The following CELF2 variants were observed in gnomAD, a reference collection of about 807,000 sequenced individuals.
CELF2 encodes CUGBP Elav-like family member 2, also known as CUG triplet repeat RNA-binding protein 2.
Under a neutral mutation model 62.6 loss-of-function variants are expected in CELF2, and 8 were observed. The observed-to-expected ratio is 0.13, with a 90% CI of 0.07 to 0.23. CELF2 has a LOEUF of 0.23. Ranked by LOEUF, CELF2 falls within the 10% of genes least tolerant of loss-of-function variation. The pLI, the probability that CELF2 is intolerant of heterozygous loss-of-function variation, is 1.00. For synonymous variants in CELF2, 258 were observed against 250.0 expected, an observed-to-expected ratio of 1.03 and a Z score of -0.30; for missense variants, 333 against 671.0, an observed-to-expected ratio of 0.50 and a Z score of 5.56.
chr10:10,866,289 AG>A (rs1220602661), intron 1 of CELF2, among the ~76,000 whole-genome samples: 1 of 152,084 alleles, frequency 6.6e-6, no homozygotes, highest in Non-Finnish European at 1.5e-5. Context: ...GTGTAGGGAA[AG>A]GGGAGCTGTG....
intron 2 of CELF2, among the ~76,000 whole-genome samples, chr10:10,955,437 G>A (rs944126156): frequency 6.6e-6 from 1 of 152,212 alleles, no homozygotes; most frequent in Non-Finnish European, 1.5e-5. Flanking sequence ...ATGAAATAGA[G>A]CTTTTGCATA....
chr10:11,219,742 G>A (rs1226344755), intron 3 of CELF2, among the ~76,000 whole-genome samples: 4 of 152,204 alleles, frequency 2.6e-5, no homozygotes. Flanking sequence ...GTCTTTGGTG[G>A]ACAGAAAGAA....
At chr10:11,166,009 G>C (rs1565035679) in intron 2 of CELF2, among the ~76,000 whole-genome samples, 1 of 152,220 alleles carries the variant, frequency 6.6e-6, no homozygotes, top group Admixed American at 6.5e-5. Flanking sequence ...GCTTCTCCGA[G>C]GAATCGCGTT....
the CELF2 span, among the ~76,000 whole-genome samples, chr10:10,673,836 G>C: frequency 6.6e-6 from 1 of 152,070 alleles, no homozygotes; most frequent in African/African-American, 2.4e-5. Flanking sequence ...TGATTTTCCA[G>C]CTCTCTTTTA....
intron 1 of CELF2, among the ~76,000 whole-genome samples, chr10:11,094,885 A>C (rs2049359394): frequency 6.6e-6 from 1 of 152,210 alleles, no homozygotes; most frequent in Admixed American, 6.5e-5. Flanking sequence ...GATACACTGC[A>C]CTTGTTTTAA....
the CELF2 span, among the ~76,000 whole-genome samples, chr10:10,777,060 C>T: frequency 3.3e-5 from 5 of 152,204 alleles, no homozygotes; most frequent in East Asian, 1.9e-4. Context: ...ACCCGCCTCC[C>T]GATTGTGGCA....
At chr10:10,628,400 C>T in the CELF2 span, among the ~76,000 whole-genome samples, 329 of 152,184 alleles carry the variant, frequency 2.2e-3, 12 homozygotes, top group East Asian at 0.054. Flanking sequence ...CATATGCCAA[C>T]CATGCTACTA....
the CELF2 span, among the ~76,000 whole-genome samples, chr10:10,463,110 A>G: frequency 6.6e-6 from 1 of 152,180 alleles, no homozygotes; most frequent in Non-Finnish European, 1.5e-5. Flanking sequence ...AGTGCTCAGT[A>G]AAGTCATTTT....
chr10:10,691,546 T>A, the CELF2 span, among the ~76,000 whole-genome samples: 1 of 151,992 alleles, frequency 6.6e-6, no homozygotes, highest in African/African-American at 2.4e-5. Context: ...CTGGGTCAAA[T>A]GGTATTTTAC....
intron 1 of CELF2, among the ~76,000 whole-genome samples, chr10:11,055,876 T>G (rs972389465): frequency 2.0e-5 from 3 of 152,218 alleles, no homozygotes; most frequent in African/African-American, 4.8e-5. Context: ...CTGTATTATT[T>G]AAATCCCATC....
chr10:11,006,363 A>G (rs2055260692), intron 1 of CELF2, among the ~76,000 whole-genome samples: 1 of 152,154 alleles, frequency 6.6e-6, no homozygotes, highest in Non-Finnish European at 1.5e-5. Flanking sequence ...AAAATTTAGT[A>G]TCTACCGTTC....
In CELF2 at chr10:11,115,708, A is replaced by T. The variant is rs574201055; in HGVS notation, c.75-49778A>T. Among the ~76,000 whole-genome samples, 6 of 152,346 alleles carry T rather than the reference A, an allele frequency of 3.9e-5. No homozygotes were observed. In the South Asian group the frequency reaches 1.2e-3, roughly 32 times the overall value. ...ACACTTGACAGAACTACAGAGGAAA[A>T]ACAATAGACCTAAGAAGCAAAATAC... is the stretch of plus-strand genomic sequence containing the variant. On this transcript the variant is annotated intron_variant, in intron 1 of 12. Transcript: ENST00000633077.
chr10:11,226,973 C>G (rs1032892523), intron 3 of CELF2, among the ~76,000 whole-genome samples: 48 of 152,214 alleles, frequency 3.2e-4, no homozygotes, highest in African/African-American at 1.1e-3. Context: ...AATCCACAAT[C>G]TGCATTTTAA....
In CELF2 at chr10:10,957,285, A is replaced by G. The variant is rs939494014; in HGVS notation, c.89+37286A>G. ...CAGGTGCTGGTAAAGTTATTGAAAG[A>G]AGTACATTACAGGTAATGGTACATT... On this transcript the variant is annotated intron_variant, in intron 2 of 13. Transcript: ENST00000636488. This position sits in a 1 kb window ranked among gnomAD's most constrained non-coding sequence, Gnocchi z 4.1. Among the ~76,000 whole-genome samples the G allele has an allele frequency of 3.3e-5, 5 of 152,254 alleles. No individual in the cohort carries two copies. The highest frequency in any genetic ancestry group is 7.2e-5 in the African/African-American group (3 of 41,466).
chr10:11,168,292 T>G (rs561312802), intron 2 of CELF2, among the ~76,000 whole-genome samples: 29 of 152,320 alleles, frequency 1.9e-4, no homozygotes, highest in African/African-American at 6.5e-4. Flanking sequence ...AAATATTCCT[T>G]AAAGTATGTG....
chr10:11,078,981 C>CT, intron 1 of CELF2, among the ~76,000 whole-genome samples: 1 of 152,290 alleles, frequency 6.6e-6, no homozygotes, highest in Middle Eastern at 3.4e-3. Context: ...ACTTGAGCAG[C>CT]TCACATTTTC....
At chr10:10,527,477 G>C in the CELF2 span, among the ~76,000 whole-genome samples, 1 of 149,130 alleles carries the variant, frequency 6.7e-6, no homozygotes, top group East Asian at 1.9e-4. Flanking sequence ...CCAGGCTATA[G>C]AGTTTAAAAA....
chr10:11,116,789 A>C (rs1053288434), intron 1 of CELF2, among the ~76,000 whole-genome samples: 2 of 152,250 alleles, frequency 1.3e-5, no homozygotes, highest in Non-Finnish European at 2.9e-5. Flanking sequence ...AAAATTCATC[A>C]GTAAGTTGTT....
intron 1 of CELF2, among the ~76,000 whole-genome samples, chr10:11,057,927 C>T (rs1342879498): frequency 6.6e-6 from 1 of 152,050 alleles, no homozygotes; most frequent in Non-Finnish European, 1.5e-5. Flanking sequence ...CTACTGTTAG[C>T]AAGACATGTT....
Sources: allele counts gnomAD v4.1 joint callset (sites outside exome capture counted in the v4.1 genomes callset), GRCh38; gene constraint gnomAD v4.1.1; non-coding constraint Gnocchi (gnomAD v3.1); transcripts MANE v1.5; gene names NCBI Gene and HGNC (gene_info 2026-07-23, HGNC 2026-07-21).